Variants in CPQ observed in about 807,000 individuals in gnomAD.
The protein encoded by CPQ is Ser-Met dipeptidase.
In CPQ, 37 loss-of-function variants were observed where a neutral mutation model predicts 45.7. That is an observed-to-expected ratio of 0.81 (90% confidence interval 0.62 to 1.07). The LOEUF is 1.07. CPQ is among the 50% of genes least tolerant of loss of function. The probability of loss-of-function intolerance (pLI) is 0.00; values close to 1 mark genes in which losing one functional copy is unlikely to be tolerated. For synonymous variants in CPQ, 186 were observed against 205.8 expected, an observed-to-expected ratio of 0.90 and a Z score of 0.82; for missense variants, 537 against 572.9, an observed-to-expected ratio of 0.94 and a Z score of 0.64.
At chr8:96,745,761 C>T (rs759951433) in intron 1 of CPQ, among the ~76,000 whole-genome samples, 3 of 152,194 alleles carry the variant, frequency 2.0e-5, no homozygotes, top group Non-Finnish European at 4.4e-5. Flanking sequence ...AGGAAGAATA[C>T]TTTTTATAAT....
intron 2 of CPQ, among the ~76,000 whole-genome samples, chr8:96,826,582 C>T (rs532072073): frequency 3.3e-5 from 5 of 152,036 alleles, no homozygotes; most frequent in Admixed American, 2.0e-4. Context: ...TGGGACATGC[C>T]ATTCTCCTGG....
chr8:96,886,884 T>G (rs1812312904), intron 4 of CPQ, among the ~76,000 whole-genome samples: 1 of 152,146 alleles, frequency 6.6e-6, no homozygotes. Context: ...GCACAAAGAG[T>G]TCTCATATCT....
chr8:96,917,108 G>A (rs1315291545), intron 4 of CPQ, among the ~76,000 whole-genome samples: 2 of 151,900 alleles, frequency 1.3e-5, no homozygotes, highest in African/African-American at 2.4e-5. Context: ...AGAGTTGTAA[G>A]GTGAGAGACA....
chr8:96,752,783 T>A (rs1810278895), intron 1 of CPQ, among the ~76,000 whole-genome samples: 1 of 152,098 alleles, frequency 6.6e-6, no homozygotes, highest in East Asian at 1.9e-4. Context: ...ATGGCTCTGA[T>A]TATATCATGA....
chr8:97,062,986 G>A (rs1810577556), intron 6 of CPQ, among the ~76,000 whole-genome samples: 1 of 152,024 alleles, frequency 6.6e-6, no homozygotes, highest in Admixed American at 6.5e-5. Context: ...CCCCTTAACT[G>A]GTATATACCC....
chr8:96,755,543 C>T (rs969038063), intron 1 of CPQ, among the ~76,000 whole-genome samples: 4 of 151,736 alleles, frequency 2.6e-5, no homozygotes, highest in African/African-American at 7.3e-5. Context: ...TCTATAATTT[C>T]TGCTACTTTG....
Position 97,143,206 on chromosome 8 carries a change from T to G in CPQ, c.*23T>G. On this transcript the variant is annotated 3_prime_UTR_variant, in exon 8 of 8. Transcript: ENST00000220763. ...TAGAAACAGTAAGAAAGAAACGTTT[T>G]CATGCTTCTGGCCAGGAATCCTGGG... is the stretch of plus-strand genomic sequence containing the variant. 1 of 1,610,758 alleles carries G rather than the reference T, an allele frequency of 6.2e-7. No individual in the cohort carries two copies. The highest frequency in any genetic ancestry group is 8.5e-7 in the Non-Finnish European group (1 of 1,178,780).
intron 1 of CPQ, among the ~76,000 whole-genome samples, chr8:96,745,978 C>T (rs1180602648): frequency 6.6e-6 from 1 of 152,172 alleles, no homozygotes; most frequent in East Asian, 1.9e-4. Flanking sequence ...GTTATTGAAA[C>T]TGTGCCAGAG....
rs144816425 is a variant in CPQ at position 96,841,946 on chromosome 8, G to T, written c.641+6766G>T. Among the ~76,000 whole-genome samples the T allele has an allele frequency of 2.0e-5, 3 of 152,236 alleles. No individual in the cohort carries two copies. In the East Asian group the frequency reaches 5.8e-4, roughly 29 times the overall value. On this transcript the variant is annotated intron_variant, in intron 3 of 7. Coordinates refer to ENST00000220763, the MANE Select transcript of CPQ (RefSeq NM_016134.4). Reference sequence around the variant, plus strand: ...GATAAATGACATAATTGAAGCAATGGGTGGGCTACATCATAGAGTTAAATA... The same window carrying T: ...GATAAATGACATAATTGAAGCAATGTGTGGGCTACATCATAGAGTTAAATA...
intron 5 of CPQ, among the ~76,000 whole-genome samples, chr8:97,016,671 GAGTTA>G (rs2130448084): frequency 6.6e-6 from 1 of 152,298 alleles, no homozygotes; most frequent in South Asian, 2.1e-4. Flanking sequence ...CTCTGCCTTT[GAGTTA>G]GGGGAGCCTT....
intron 5 of CPQ, among the ~76,000 whole-genome samples, chr8:96,993,388 T>A (rs150805616): frequency 4.5e-4 from 69 of 152,294 alleles, no homozygotes; most frequent in African/African-American, 1.6e-3. Flanking sequence ...TCAGGCATGT[T>A]GTATACAAAA....
intron 4 of CPQ, among the ~76,000 whole-genome samples, chr8:96,930,524 A>T (rs1812959453): frequency 6.6e-6 from 1 of 152,170 alleles, no homozygotes; most frequent in African/African-American, 2.4e-5. Flanking sequence ...TCTGGCAGTG[A>T]GGATGATTTT....
chr8:96,882,742 G>C (rs944875580), intron 4 of CPQ, among the ~76,000 whole-genome samples: 1 of 152,176 alleles, frequency 6.6e-6, no homozygotes, highest in African/African-American at 2.4e-5. Context: ...CTATTTGTCA[G>C]CTCAGCCTGA....
chr8:96,985,154 G>A (rs1813991914), intron 5 of CPQ, among the ~76,000 whole-genome samples: 1 of 151,946 alleles, frequency 6.6e-6, no homozygotes, highest in Non-Finnish European at 1.5e-5. Flanking sequence ...GAGGAATCTA[G>A]TTGTATCAGT....
intron 1 of CPQ, among the ~76,000 whole-genome samples, chr8:96,775,552 T>TCC (rs1810594259): frequency 6.6e-6 from 1 of 152,106 alleles, no homozygotes; most frequent in Non-Finnish European, 1.5e-5. Context: ...CAATTTTGGG[T>TCC]CAAGTTCTGC....
At chr8:96,972,737 C>T (rs1389899523) in intron 5 of CPQ, among the ~76,000 whole-genome samples, 2 of 152,188 alleles carry the variant, frequency 1.3e-5, no homozygotes, top group African/African-American at 4.8e-5. Context: ...CCAGTACCAG[C>T]CTGAAGCCCA....
chr8:97,002,574 G>A (rs532805702), intron 5 of CPQ, among the ~76,000 whole-genome samples: 1 of 152,268 alleles, frequency 6.6e-6, no homozygotes, highest in South Asian at 2.1e-4. Flanking sequence ...GTATGGTTTT[G>A]AGTGAATTTC....
chr8:96,823,967 A>G (rs1721681319), intron 2 of CPQ, among the ~76,000 whole-genome samples: 1 of 152,068 alleles, frequency 6.6e-6, no homozygotes, highest in African/African-American at 2.4e-5. Flanking sequence ...TTTAAGGACC[A>G]CTCAGCAACA....
chr8:96,689,331 C>G (rs553658743), intron 1 of CPQ, among the ~76,000 whole-genome samples: 2 of 152,256 alleles, frequency 1.3e-5, no homozygotes, highest in African/African-American at 4.8e-5. Flanking sequence ...CACCAATTTT[C>G]TTGCCCCCTT....
Sources: gnomAD v4.1 joint callset for allele counts (sites outside exome capture counted in the v4.1 genomes callset) on GRCh38, gnomAD v4.1.1 for gene constraint, MANE v1.5 for transcripts, NCBI Gene and HGNC (gene_info 2026-07-23, HGNC 2026-07-21) for gene names.